EXT1: variants seen among roughly 807,000 people sequenced by gnomAD.
The protein encoded by EXT1 is exostosin-1.
Under a neutral mutation model 82.5 loss-of-function variants are expected in EXT1, and 20 were observed. That is an observed-to-expected ratio of 0.24 (90% confidence interval 0.17 to 0.35). EXT1 has a LOEUF of 0.35. Ranked by LOEUF, EXT1 falls within the 10% of genes least tolerant of loss-of-function variation. The pLI, the probability that EXT1 is intolerant of heterozygous loss-of-function variation, is 1.00. For missense variants in EXT1, 757 were observed against 936.5 expected (o/e 0.81, Z 2.50); for synonymous variants, 348 against 350.8 (o/e 0.99, Z 0.09).
At chr8:117,818,617 G>T (rs1176262151) in intron 6 of EXT1, 87 bp from the exon 7 acceptor site, 1 of 1,056,310 alleles carries the variant, frequency 9.5e-7, no homozygotes, top group African/African-American at 1.6e-5. Context: ...GAGACAGAAA[G>T]AGAAAGAGGA....
intron 1 of EXT1, among the ~76,000 whole-genome samples, chr8:118,028,626 T>C (rs770568317): frequency 6.6e-6 from 1 of 150,918 alleles, no homozygotes; most frequent in African/African-American, 2.4e-5. Context: ...AAGGAAAAAA[T>C]AAAATAAAAA....
At chr8:117,954,448 G>A (rs1482644478) in intron 1 of EXT1, among the ~76,000 whole-genome samples, 2 of 152,136 alleles carry the variant, frequency 1.3e-5, no homozygotes, top group Non-Finnish European at 2.9e-5. Context: ...GTGAAGAAAG[G>A]TAAAGTGTCT....
intron 1 of EXT1, among the ~76,000 whole-genome samples, chr8:117,932,236 G>A (rs1000824912): frequency 6.6e-6 from 1 of 152,114 alleles, no homozygotes; most frequent in Non-Finnish European, 1.5e-5. Flanking sequence ...GAACAGAAAA[G>A]TTATTAGGAA....
At chr8:117,980,937 G>A (rs888388699) in intron 1 of EXT1, among the ~76,000 whole-genome samples, 4 of 152,234 alleles carry the variant, frequency 2.6e-5, no homozygotes, top group South Asian at 2.1e-4. Context: ...GGAGGAAGCC[G>A]TTGTCTGCTT....
chr8:117,808,612 C>G (rs1475046185), intron 8 of EXT1, among the ~76,000 whole-genome samples: 3 of 152,214 alleles, frequency 2.0e-5, no homozygotes, highest in African/African-American at 7.2e-5. Context: ...GAAATTTCAT[C>G]TGTTTCGCAA....
chr8:117,869,140 T>C (rs1812826820), intron 1 of EXT1, among the ~76,000 whole-genome samples: 1 of 152,112 alleles, frequency 6.6e-6, no homozygotes, highest in Non-Finnish European at 1.5e-5. Context: ...GGATGAGGCT[T>C]CTCTCCAGAC....
intron 1 of EXT1, among the ~76,000 whole-genome samples, chr8:117,950,952 A>C (rs1257605476): frequency 6.6e-6 from 1 of 152,220 alleles, no homozygotes; most frequent in African/African-American, 2.4e-5. Context: ...TTATAACCAA[A>C]GAGGCAAATT....
intron 1 of EXT1, among the ~76,000 whole-genome samples, chr8:117,977,239 T>C (rs1484845193): frequency 2.0e-5 from 3 of 151,838 alleles, no homozygotes; most frequent in African/African-American, 7.3e-5. Flanking sequence ...ATAGAAAAAT[T>C]AGCTGAGCGT....
chr8:118,085,998 A>G (rs1047859156), intron 1 of EXT1, among the ~76,000 whole-genome samples: 2 of 152,220 alleles, frequency 1.3e-5, no homozygotes, highest in Non-Finnish European at 2.9e-5. Flanking sequence ...TAATCTCAGA[A>G]TATACAGCTC....
chr8:118,008,144 C>G (rs1210872157), intron 1 of EXT1, among the ~76,000 whole-genome samples: 1 of 152,164 alleles, frequency 6.6e-6, no homozygotes, highest in Non-Finnish European at 1.5e-5. Context: ...TGCTCAGCTC[C>G]CACTTGTGAG....
intron 1 of EXT1, among the ~76,000 whole-genome samples, chr8:118,028,348 C>G (rs995526313): frequency 5.3e-5 from 8 of 152,294 alleles, no homozygotes; most frequent in Admixed American, 4.6e-4. Context: ...CACCAGATAC[C>G]TCTAGAAAAT....
intron 1 of EXT1, among the ~76,000 whole-genome samples, chr8:117,915,004 C>T (rs1347676378): frequency 6.6e-6 from 1 of 152,158 alleles, no homozygotes; most frequent in Non-Finnish European, 1.5e-5. Flanking sequence ...TACACCCTCT[C>T]CCCTTTTGAA....
chr8:117,962,547 T>G, intron 1 of EXT1, among the ~76,000 whole-genome samples: 1 of 151,836 alleles, frequency 6.6e-6, no homozygotes. Context: ...AGGTCAGGAG[T>G]TCGAGACCAG....
intron 1 of EXT1, among the ~76,000 whole-genome samples, chr8:117,909,845 G>A (rs906075246): frequency 1.3e-5 from 2 of 152,100 alleles, no homozygotes; most frequent in African/African-American, 4.8e-5. Context: ...TCAGCTCACT[G>A]CAACCTCCGC....
intron 1 of EXT1, among the ~76,000 whole-genome samples, chr8:117,938,615 T>A (rs1586297087): frequency 6.6e-6 from 1 of 152,156 alleles, no homozygotes; most frequent in Non-Finnish European, 1.5e-5. Flanking sequence ...TCACAGAAAG[T>A]TCTCCTGGAC....
chr8:117,826,571 T>C (rs1222151126), intron 4 of EXT1, among the ~76,000 whole-genome samples: 2 of 152,244 alleles, frequency 1.3e-5, no homozygotes, highest in African/African-American at 4.8e-5. Context: ...GTTATTTGTA[T>C]CTGTGGATGG....
intron 1 of EXT1, among the ~76,000 whole-genome samples, chr8:117,844,137 C>CTAT (rs61042253): frequency 0.14 from 20,359 of 142,384 alleles, 1,785 homozygotes; most frequent in Non-Finnish European, 0.18. Flanking sequence ...ATTTCAATTA[C>CTAT]TATTATTATT....
chr8:117,874,060 G>A (rs565236326), intron 1 of EXT1, among the ~76,000 whole-genome samples: 1 of 152,252 alleles, frequency 6.6e-6, no homozygotes, highest in South Asian at 2.1e-4. Context: ...ATTAGTGTAG[G>A]TGCAAAGCAG....
intron 1 of EXT1, among the ~76,000 whole-genome samples, chr8:117,861,518 A>ACAT (rs1430909390): frequency 0.016 from 1,329 of 80,842 alleles, 37 homozygotes; most frequent in Admixed American, 0.026. Flanking sequence ...TTTTTGAGAT[A>ACAT]GAGTCTTGCT....
Sources: allele counts gnomAD v4.1 joint callset (sites outside exome capture counted in the v4.1 genomes callset), GRCh38; gene constraint gnomAD v4.1.1; transcripts MANE v1.5; gene names NCBI Gene and HGNC (gene_info 2026-07-23, HGNC 2026-07-21).